KCNC4: variants seen among roughly 807,000 people sequenced by gnomAD.
KCNC4 encodes the protein voltage-gated potassium channel KCNC4.
Under a neutral mutation model 42.8 loss-of-function variants are expected in KCNC4, and 23 were observed. That is an observed-to-expected ratio of 0.54 (90% CI 0.39 to 0.76). KCNC4 has a LOEUF of 0.76. Among genes scored for constraint, KCNC4 ranks in the 30% least tolerant of loss-of-function variants. KCNC4 has a pLI of 0.00. For missense variants in KCNC4, 751 were observed against 898.2 expected (o/e 0.84, Z 2.10); for synonymous variants, 422 against 393.5 (o/e 1.07, Z -0.86).
chr1:110,238,006 C>T (rs1043280299), downstream of KCNC4: 5 of 152,240 alleles, frequency 3.3e-5, no homozygotes, highest in African/African-American at 4.8e-5. Flanking sequence ...CTGTGGTAAC[C>T]GCATTCAAAA....
intron 1 of KCNC4, among the ~76,000 whole-genome samples, chr1:110,271,531 C>A (rs191075953): frequency 6.6e-6 from 1 of 152,260 alleles, no homozygotes; most frequent in Admixed American, 6.5e-5. Flanking sequence ...CTCATGTGAA[C>A]CCAGATCTGT....
At chr1:110,259,885 G>A (rs1659395223) in intron 1 of KCNC4, among the ~76,000 whole-genome samples, 1 of 152,182 alleles carries the variant, frequency 6.6e-6, no homozygotes, top group African/African-American at 2.4e-5. Flanking sequence ...GTCAAAGAGG[G>A]TGCCTTTTTG....
At chr1:110,279,186 C>A (rs979559492) in intron 1 of KCNC4, among the ~76,000 whole-genome samples, 2 of 152,216 alleles carry the variant, frequency 1.3e-5, no homozygotes, top group African/African-American at 4.8e-5. Context: ...CATCACTAAT[C>A]ATCACAAAAC....
At position 110,211,304 on chromosome 1, in the gene KCNC4, T is replaced by G; in HGVS notation, c.-196T>G. 1.3e-6 allele frequency: 1 copy of G among 757,082 alleles called. No individual in the cohort carries two copies. The highest frequency in any genetic ancestry group is 2.1e-6 in the Non-Finnish European group (1 of 481,702). The allele number at this position is 757,082 out of a possible 1,614,324, so 46.9% of individuals were successfully genotyped here. ...TTCCTGCCCTAACCCCAACCACCTG[T>G]GTACCGGAGAAATCCAACTCCTCCC... is the stretch of plus-strand genomic sequence containing the variant. On this transcript the variant is annotated 5_prime_UTR_variant, in exon 1 of 4. Transcript: ENST00000438661. This position sits in a 1 kb window ranked among gnomAD's most constrained non-coding sequence, Gnocchi z 6.5.
rs949364208 is a variant in KCNC4 at position 110,232,025 on chromosome 1, C to CTCCA, written c.1820-885_1820-882dup. The stretch of plus-strand genomic sequence containing the variant: ...GTCCCAGCGGGTCTGGAACTCCCAC[C>CTCCA]TCCACTGTTGACCCAGATCTGCAGC... On this transcript the variant is annotated intron_variant, in intron 3 of 3. Coordinates refer to ENST00000438661, the MANE Select transcript of KCNC4 (RefSeq NM_001039574.3). 2.6e-5 allele frequency among the ~76,000 whole-genome samples: 4 copies of CTCCA among 152,284 alleles called. No individual in the cohort carries two copies. The East Asian group carries it at 7.7e-4, about 29-fold the overall frequency.
chr1:110,250,194 C>T (rs1659226029), downstream of KCNC4, among the ~76,000 whole-genome samples: 1 of 152,118 alleles, frequency 6.6e-6, no homozygotes, highest in Non-Finnish European at 1.5e-5. Flanking sequence ...AGGCCTCGCA[C>T]ACTCATCTGG....
At chr1:110,243,869 C>A (rs1034313597) in exon 4 of KCNC4, 1 of 152,174 alleles carries the variant, frequency 6.6e-6, no homozygotes, top group Admixed American at 6.5e-5. Context: ...AAGAAAGGGG[C>A]AACAATGCAA....
rs1330289222 is a variant in KCNC4, at chr1:110,210,891, G to A, written c.-609G>A. On this transcript the variant is annotated 5_prime_UTR_variant, in exon 1 of 4. Transcript: ENST00000438661. ...CGCCCGGCGCTGGATTTATGAATGGGGGGAAGAGGCCACATGCCGCCGCCG... is the reference window on the plus strand; with the variant it reads ...CGCCCGGCGCTGGATTTATGAATGGAGGGAAGAGGCCACATGCCGCCGCCG... Among the ~76,000 whole-genome samples, 1 of 152,138 alleles carries A rather than the reference G, an allele frequency of 6.6e-6. No homozygotes were observed. Among genetic ancestry groups the A allele is most frequent in the Non-Finnish European group, 1.5e-5 (1 of 68,032 alleles).
Position 110,211,758 on chromosome 1 carries a change from A to AGCG in KCNC4, c.267_269dup (p.Gly91dup), listed in dbSNP as rs1657471524. On this transcript the variant is annotated inframe_insertion, in exon 1 of 4. Transcript: ENST00000438661. This position sits in a 1 kb window ranked among gnomAD's most constrained non-coding sequence, Gnocchi z 6.5. ...CGGCGGTGTGGGTAGCAGCGGCAGC[A>AGCG]GCGGCGGCGGGGGCTGCGAGTTCTT... 5.6e-6 allele frequency: 9 copies of AGCG among 1,609,442 alleles called. No homozygotes were observed. Among genetic ancestry groups the AGCG allele is most frequent in the Non-Finnish European group, 7.6e-6 (9 of 1,178,924 alleles).
At chr1:110,248,389 TATTA>T (rs1455096870) in exon 4 of KCNC4, 3 of 152,196 alleles carry the variant, frequency 2.0e-5, no homozygotes, top group South Asian at 2.1e-4. Context: ...CATTTGCTAT[TATTA>T]ATTAAGGGCT....
At chr1:110,241,620 AT>A (rs1200681882) in exon 4 of KCNC4, 2 of 152,230 alleles carry the variant, frequency 1.3e-5, no homozygotes, top group Non-Finnish European at 2.9e-5. Context: ...CCAAAGTGAT[AT>A]GCAATGGAGG....
intron 1 of KCNC4, chr1:110,222,110 G>A (rs890337740): frequency 2.0e-5 from 3 of 152,182 alleles, no homozygotes; most frequent in Middle Eastern, 3.2e-3. Flanking sequence ...GTCAGTTTGT[G>A]GGAAGGAGTG....
At chr1:110,227,799 C>G (rs994481435) in intron 3 of KCNC4, among the ~76,000 whole-genome samples, 1 of 152,102 alleles carries the variant, frequency 6.6e-6, no homozygotes, top group Admixed American at 6.5e-5. Context: ...TGGAAGAGGC[C>G]GTGAGGGTAC....
At chr1:110,240,249 C>G (rs1029042346) in exon 4 of KCNC4, 2 of 152,358 alleles carry the variant, frequency 1.3e-5, no homozygotes, top group African/African-American at 4.8e-5. Context: ...CAGGGTTCCT[C>G]CAGCCTGCCA....
At chr1:110,275,130 A>G (rs1175597226) in intron 1 of KCNC4, among the ~76,000 whole-genome samples, 1 of 152,236 alleles carries the variant, frequency 6.6e-6, no homozygotes, top group Middle Eastern at 3.2e-3. Flanking sequence ...ACTGATGTCC[A>G]GAATTTACAA....
chr1:110,268,408 C>A (rs894310145), intron 1 of KCNC4, among the ~76,000 whole-genome samples: 1 of 152,010 alleles, frequency 6.6e-6, no homozygotes, highest in African/African-American at 2.4e-5. Flanking sequence ...GAGATCGAGA[C>A]CATCCTGGCT....
intron 1 of KCNC4, among the ~76,000 whole-genome samples, chr1:110,214,644 A>G (rs752955457): frequency 2.3e-4 from 35 of 152,240 alleles, no homozygotes; most frequent in Non-Finnish European, 3.8e-4. Flanking sequence ...ACAGCCAGAT[A>G]GTGGCCAGGC....
chr1:110,251,520 C>G (rs1272663815), downstream of KCNC4, among the ~76,000 whole-genome samples: 1 of 152,190 alleles, frequency 6.6e-6, no homozygotes, highest in Non-Finnish European at 1.5e-5. Flanking sequence ...TCCATTAAAC[C>G]TCTTTCTTTT....
At chr1:110,281,031 T>G (rs1014653742) in intron 1 of KCNC4, among the ~76,000 whole-genome samples, 2 of 152,168 alleles carry the variant, frequency 1.3e-5, no homozygotes, top group African/African-American at 4.8e-5. Context: ...ACTCAGATCC[T>G]CCTGGGGGTA....
Sources: allele counts gnomAD v4.1 joint callset (sites outside exome capture counted in the v4.1 genomes callset), GRCh38; gene constraint gnomAD v4.1.1; non-coding constraint Gnocchi (gnomAD v3.1); transcripts MANE v1.5; gene names NCBI Gene and HGNC (gene_info 2026-07-23, HGNC 2026-07-21).